CTNNA3: variants seen among roughly 807,000 people sequenced by gnomAD.
CTNNA3 encodes the protein catenin alpha-3.
Under a neutral mutation model 95.7 loss-of-function variants are expected in CTNNA3, and 76 were observed. The observed-to-expected ratio is 0.79, with a 90% confidence interval of 0.66 to 0.96. The LOEUF (loss-of-function observed/expected upper bound fraction) is 0.96. CTNNA3 is among the 40% of genes least tolerant of loss of function. CTNNA3 has a pLI of 0.00. For missense variants in CTNNA3, 1,191 were observed against 1,089.8 expected (o/e 1.09, Z -1.31); for synonymous variants, 431 against 374.4 (o/e 1.15, Z -1.74).
At chr10:67,561,519 C>T (rs954435752) in intron 3 of CTNNA3, among the ~76,000 whole-genome samples, 1 of 132,310 alleles carries the variant, frequency 7.6e-6, no homozygotes, top group African/African-American at 3.0e-5. Flanking sequence ...GCAATAAAAG[C>T]CCACGAGAGA....
At chr10:66,879,209 T>C (rs1032078746) in intron 7 of CTNNA3, among the ~76,000 whole-genome samples, 16 of 152,112 alleles carry the variant, frequency 1.1e-4, no homozygotes, top group Admixed American at 3.9e-4. Context: ...TATTAAGACA[T>C]TGATTTAAAG....
At chr10:66,352,022 C>T (rs2092570567) in intron 12 of CTNNA3, among the ~76,000 whole-genome samples, 1 of 151,816 alleles carries the variant, frequency 6.6e-6, no homozygotes, top group Admixed American at 6.6e-5. Flanking sequence ...GAAGTAAGTA[C>T]TATATGCCAG....
chr10:67,017,848 C>T (rs1564834655), intron 7 of CTNNA3, among the ~76,000 whole-genome samples: 1 of 152,070 alleles, frequency 6.6e-6, no homozygotes, highest in Non-Finnish European at 1.5e-5. Flanking sequence ...CGGCTCACTG[C>T]AACCTCCGCC....
intron 7 of CTNNA3, among the ~76,000 whole-genome samples, chr10:67,139,411 T>C (rs1860443855): frequency 6.6e-6 from 1 of 150,762 alleles, no homozygotes. Context: ...CCTCCCAAAG[T>C]GCTGGGACCA....
chr10:66,168,064 C>A (rs1264960853), intron 13 of CTNNA3, among the ~76,000 whole-genome samples: 1 of 152,118 alleles, frequency 6.6e-6, no homozygotes. Flanking sequence ...CTATGGGTGC[C>A]AGAGTCACTT....
intron 5 of CTNNA3, among the ~76,000 whole-genome samples, chr10:67,252,666 A>C (rs1300267517): frequency 6.6e-6 from 1 of 152,186 alleles, no homozygotes; most frequent in African/African-American, 2.4e-5. Context: ...GCATTGTGAC[A>C]TACCGTTAGG....
intron 9 of CTNNA3, among the ~76,000 whole-genome samples, chr10:66,622,897 G>T (rs1844801114): frequency 6.6e-6 from 1 of 152,042 alleles, no homozygotes; most frequent in South Asian, 2.1e-4. Flanking sequence ...CTTTTAATAT[G>T]CCAATAGTGA....
intron 12 of CTNNA3, among the ~76,000 whole-genome samples, chr10:66,294,183 A>G (rs2091737502): frequency 6.6e-6 from 1 of 152,192 alleles, no homozygotes; most frequent in Admixed American, 6.5e-5. Context: ...ACATATTTAA[A>G]TTTACTTTTT....
At chr10:66,365,816 G>GA (rs2092707441) in intron 12 of CTNNA3, among the ~76,000 whole-genome samples, 1 of 151,876 alleles carries the variant, frequency 6.6e-6, no homozygotes, top group South Asian at 2.1e-4. Flanking sequence ...GCCATGATGT[G>GA]AAAAAATATA....
intron 7 of CTNNA3, among the ~76,000 whole-genome samples, chr10:66,806,089 C>A (rs932038634): frequency 6.6e-6 from 1 of 151,800 alleles, no homozygotes; most frequent in Non-Finnish European, 1.5e-5. Flanking sequence ...ACGTAAAATG[C>A]TCAATGATGA....
intron 16 of CTNNA3, among the ~76,000 whole-genome samples, chr10:65,977,370 T>A (rs953984762): frequency 2.0e-5 from 3 of 152,172 alleles, no homozygotes; most frequent in African/African-American, 7.2e-5. Flanking sequence ...AAAAATTCAT[T>A]ACGTTTTAGT....
At chr10:66,889,447 G>C (rs1353643168) in intron 7 of CTNNA3, among the ~76,000 whole-genome samples, 2 of 152,174 alleles carry the variant, frequency 1.3e-5, no homozygotes, top group Admixed American at 6.5e-5. Flanking sequence ...GTTGGCAATG[G>C]GGGAGGCTGT....
chr10:67,700,046 T>G (rs1356868381), upstream of CTNNA3, among the ~76,000 whole-genome samples: 1 of 152,218 alleles, frequency 6.6e-6, no homozygotes, highest in Admixed American at 6.5e-5. Context: ...GAGATCAAAC[T>G]GCAAGGCAGC....
intron 3 of CTNNA3, among the ~76,000 whole-genome samples, chr10:67,564,209 C>A (rs1459330190): frequency 6.7e-6 from 1 of 149,568 alleles, no homozygotes. Flanking sequence ...TTTATTGTGG[C>A]ACTATTCACA....
chr10:66,524,660 C>G (rs1168931077), intron 10 of CTNNA3, among the ~76,000 whole-genome samples: 1 of 152,054 alleles, frequency 6.6e-6, no homozygotes, highest in Non-Finnish European at 1.5e-5. Flanking sequence ...AAATCAGAAC[C>G]AGAGGGGGCC....
chr10:67,269,000 A>T (rs1330550399), intron 5 of CTNNA3, among the ~76,000 whole-genome samples: 3 of 152,236 alleles, frequency 2.0e-5, no homozygotes, highest in African/African-American at 7.2e-5. Flanking sequence ...ATCTGAATCC[A>T]GACAGAGAAT....
chr10:66,528,241 C>A (rs1589379822), intron 10 of CTNNA3, among the ~76,000 whole-genome samples: 1 of 152,102 alleles, frequency 6.6e-6, no homozygotes, highest in African/African-American at 2.4e-5. Context: ...TTCAGCTGGT[C>A]CCATTCTATC....
intron 5 of CTNNA3, among the ~76,000 whole-genome samples, chr10:67,325,886 A>G (rs1489245536): frequency 6.6e-6 from 1 of 152,134 alleles, no homozygotes; most frequent in Non-Finnish European, 1.5e-5. Flanking sequence ...AAGGTCTCTA[A>G]GAACTTAGTT....
chr10:67,366,070 G>A lies in CTNNA3; in HGVS notation c.580-146200C>T, dbSNP rs572116559. On this transcript the variant is annotated intron_variant, in intron 5 of 17. Transcript: ENST00000433211. ...TGTCCTTTGCAGGGACATGGATGAA[G>A]CTGGAAACCATCATTCTAAGTCAAC... Among the ~76,000 whole-genome samples the A allele has an allele frequency of 1.2e-4, 19 of 152,266 alleles. No individual in the cohort carries two copies. The South Asian group carries it at 3.7e-3, about 30-fold the overall frequency.
Sources: gnomAD v4.1 joint callset for allele counts (sites outside exome capture counted in the v4.1 genomes callset) on GRCh38, gnomAD v4.1.1 for gene constraint, MANE v1.5 for transcripts, NCBI Gene and HGNC (gene_info 2026-07-23, HGNC 2026-07-21) for gene names.